The following KBTBD12 variants were observed in gnomAD, a reference collection of about 807,000 sequenced individuals.
KBTBD12 encodes the protein kelch repeat and BTB domain containing 12, also known as kelch repeat and BTB domain-containing protein 12.
In KBTBD12, 53 loss-of-function variants were observed where a neutral mutation model predicts 58.7. The ratio of observed to expected loss-of-function variants is 0.90; its 90% CI spans 0.72 to 1.14. KBTBD12 has a LOEUF of 1.14. KBTBD12 is among the 50% of genes most tolerant of loss of function. The pLI is 0.00. For missense variants in KBTBD12, 704 were observed against 751.3 expected (o/e 0.94, Z 0.74); for synonymous variants, 236 against 259.8 (o/e 0.91, Z 0.88).
At position 127,923,802 on chromosome 3, in the gene KBTBD12, T is replaced by C; in HGVS notation, c.741T>C (p.Val247=). 6.2e-7 allele frequency: 1 copy of C among 1,613,926 alleles called. No individual in the cohort carries two copies. Among genetic ancestry groups the C allele is most frequent in the South Asian group, 1.1e-5 (1 of 91,086 alleles). Residue 247 remains valine, a synonymous_variant, in exon 2 of 6, where the codon GTT becomes GTC. Transcript: ENST00000405109. ...TGCTTCTGTGTGATGCAGATTGTGT[T>C]GACATAATTCAAAATGCATTCAAAG... ...NTMLLCDADC[V]DIIQNAFKAI...
intron 4 of KBTBD12, among the ~76,000 whole-genome samples, chr3:127,939,289 C>G (rs1393480018): frequency 6.6e-6 from 1 of 152,162 alleles, no homozygotes; most frequent in East Asian, 1.9e-4. Flanking sequence ...TCTCTCTTGT[C>G]TTGTCACTTG....
chr3:127,977,008 A>G (rs1940795477), intron 5 of KBTBD12, among the ~76,000 whole-genome samples: 1 of 152,242 alleles, frequency 6.6e-6, no homozygotes, highest in Non-Finnish European at 1.5e-5. Flanking sequence ...TCCACCCTTA[A>G]GTAGGCCCCA....
At position 127,986,299 on chromosome 3, in the gene KBTBD12, G is replaced by T. The variant is rs1940963714; in HGVS notation, c.*2021G>T. On this transcript the variant is annotated 3_prime_UTR_variant, in exon 6 of 6. Coordinates refer to ENST00000405109, the MANE Select transcript of KBTBD12 (RefSeq NM_207335.4). The stretch of plus-strand genomic sequence containing the variant: ...TATTAATACATACTTTATAGGGTTG[G>T]TATGAGGATTAAGTGCTGAGCAAAG... 1 of 152,582 alleles carries T rather than the reference G, an allele frequency of 6.6e-6. No individual in the cohort carries two copies. Among genetic ancestry groups the T allele is most frequent in the Non-Finnish European group, 1.5e-5 (1 of 68,042 alleles). 9.5% of individuals were successfully genotyped at this position (152,582 alleles called of 1,614,324 possible). A position where few individuals can be genotyped will look rare whatever the true frequency, so the allele number is the denominator to read the frequency against.
chr3:127,948,392 T>C (rs959906295), intron 4 of KBTBD12, among the ~76,000 whole-genome samples: 1 of 152,232 alleles, frequency 6.6e-6, no homozygotes, highest in Non-Finnish European at 1.5e-5. Flanking sequence ...GGCCCCGTAC[T>C]CTCTGGTACT....
At chr3:127,935,389 C>T (rs929697582) in intron 4 of KBTBD12, among the ~76,000 whole-genome samples, 1 of 151,914 alleles carries the variant, frequency 6.6e-6, no homozygotes, top group Admixed American at 6.6e-5. Flanking sequence ...CAGTATTAAC[C>T]TAAAATAGAG....
chr3:127,984,016 A>G (rs1940922282), intron 5 of KBTBD12, 81 bp from the exon 6 acceptor site: 2 of 1,075,880 alleles, frequency 1.9e-6, no homozygotes, highest in African/African-American at 3.1e-5. Context: ...CTTTTGGAGG[A>G]AGTTACTCAG....
chr3:127,975,388 G>T (rs80223651), intron 5 of KBTBD12, among the ~76,000 whole-genome samples: 1 of 152,136 alleles, frequency 6.6e-6, no homozygotes, highest in Non-Finnish European at 1.5e-5. Context: ...GCTGACATCT[G>T]GTATGTCAGC....
chr3:127,943,773 A>G, intron 4 of KBTBD12, among the ~76,000 whole-genome samples: 1 of 152,038 alleles, frequency 6.6e-6, no homozygotes, highest in Admixed American at 6.6e-5. Context: ...GGCCAATGTC[A>G]AGCAACTTTT....
At chr3:127,977,003 C>A (rs1025404521) in intron 5 of KBTBD12, among the ~76,000 whole-genome samples, 10 of 152,186 alleles carry the variant, frequency 6.6e-5, no homozygotes, top group Admixed American at 6.5e-4. Context: ...CACCCTCCAC[C>A]CTTAAGTAGG....
rs1313633778 is a variant in KBTBD12 at position 127,986,500 on chromosome 3, T to TC, written c.*2222_*2223insC. The TC allele has an allele frequency of 2.6e-5, 4 of 151,554 alleles. No individual in the cohort carries two copies. In the East Asian group the frequency reaches 5.8e-4, roughly 22 times the overall value. The allele number at this position is 151,554 out of a possible 1,614,324, so 9.4% of individuals were successfully genotyped here. On this transcript the variant is annotated 3_prime_UTR_variant, in exon 6 of 6. Coordinates refer to ENST00000405109, the MANE Select transcript of KBTBD12 (RefSeq NM_207335.4). ...ACGGTTCTTTCTTTTTTTTTTTTTT[T>TC]TTGAGACGGAGTCTCTCTCTCTCGC...
chr3:127,958,854 G>A (rs184046099), intron 4 of KBTBD12, among the ~76,000 whole-genome samples: 187 of 152,312 alleles, frequency 1.2e-3, no homozygotes, highest in Non-Finnish European at 2.1e-3. Context: ...AGCAGATAGA[G>A]AGAATGGAGA....
intron 5 of KBTBD12, among the ~76,000 whole-genome samples, chr3:127,965,816 T>C (rs868561988): frequency 4.9e-4 from 75 of 152,034 alleles, no homozygotes; most frequent in African/African-American, 1.7e-3. Context: ...GACAGGAAAA[T>C]AGCAACAACA....
At chr3:127,971,298 G>A (rs770109957) in intron 5 of KBTBD12, among the ~76,000 whole-genome samples, 1 of 152,176 alleles carries the variant, frequency 6.6e-6, no homozygotes, top group African/African-American at 2.4e-5. Flanking sequence ...GACCCTGTGG[G>A]CTTGGACAGA....
Position 127,964,470 on chromosome 3 carries a change from T to TAA in KBTBD12, c.1690+1097_1690+1098dup, listed in dbSNP as rs59832982. Among the ~76,000 whole-genome samples the TAA allele has an allele frequency of 1.5e-4, 21 of 142,288 alleles. No homozygotes were observed. The South Asian group carries it at 2.7e-3, about 18-fold the overall frequency. 93.3% of individuals were successfully genotyped at this position (142,288 alleles called of 152,430 possible). A position where few individuals can be genotyped will look rare whatever the true frequency, so the allele number is the denominator to read the frequency against. Reference sequence around the variant, plus strand: ...AACATGGTGAAACCCCATCTCTACTTAAAAAAAAAAAAAATACAAAAATTA... The same window carrying TAA: ...AACATGGTGAAACCCCATCTCTACTTAAAAAAAAAAAAAAAATACAAAAATTA... On this transcript the variant is annotated intron_variant, in intron 5 of 5. Coordinates refer to ENST00000405109, the MANE Select transcript of KBTBD12 (RefSeq NM_207335.4).
intron 5 of KBTBD12, among the ~76,000 whole-genome samples, chr3:127,981,363 A>G (rs1940868697): frequency 1.3e-5 from 2 of 152,346 alleles, no homozygotes; most frequent in South Asian, 4.1e-4. Flanking sequence ...AGTTCAAAAG[A>G]CTAAATGAGA....
chr3:127,970,447 A>G (rs1940662546), intron 5 of KBTBD12, among the ~76,000 whole-genome samples: 1 of 152,208 alleles, frequency 6.6e-6, no homozygotes, highest in Non-Finnish European at 1.5e-5. Flanking sequence ...AATTGAAAAT[A>G]TATGCCCACC....
chr3:127,952,846 C>A (rs1202003657), intron 4 of KBTBD12, among the ~76,000 whole-genome samples: 1 of 152,182 alleles, frequency 6.6e-6, no homozygotes, highest in Non-Finnish European at 1.5e-5. Flanking sequence ...ATGGCCCTTG[C>A]CTTTACCTTA....
At chr3:127,942,014 AAGAT>A (rs1939960809) in intron 4 of KBTBD12, among the ~76,000 whole-genome samples, 1 of 152,188 alleles carries the variant, frequency 6.6e-6, no homozygotes, top group African/African-American at 2.4e-5. Flanking sequence ...ACAATAAAGA[AAGAT>A]AAAGTTGTGC....
chr3:127,942,160 C>G (rs1452928766), intron 4 of KBTBD12, among the ~76,000 whole-genome samples: 1 of 152,036 alleles, frequency 6.6e-6, no homozygotes, highest in East Asian at 1.9e-4. Context: ...TACAAAAGGT[C>G]AATCATTTAC....
Sources: gnomAD v4.1 joint callset for allele counts (sites outside exome capture counted in the v4.1 genomes callset) on GRCh38, gnomAD v4.1.1 for gene constraint, MANE v1.5 for transcripts, NCBI Gene and HGNC (gene_info 2026-07-23, HGNC 2026-07-21) for gene names.